LONRF2: variants seen among roughly 807,000 people sequenced by gnomAD.
LONRF2 encodes LON peptidase N-terminal domain and RING finger protein 2.
A neutral mutation model predicts 66.6 loss-of-function variants in LONRF2; 35 were observed. The observed-to-expected ratio is 0.53, with a 90% CI of 0.40 to 0.70. LONRF2 has a LOEUF of 0.70. Ranked by LOEUF, LONRF2 falls within the 30% of genes least tolerant of loss-of-function variation. LONRF2 has a pLI of 0.00. For synonymous variants in LONRF2, 417 were observed against 418.1 expected (o/e 1.00, Z 0.03); for missense variants, 902 against 1,002.1 (o/e 0.90, Z 1.35).
At chr2:100,309,322 T>A in intron 1 of LONRF2, 97 bp from the exon 2 acceptor site, 1 of 649,990 alleles carries the variant, frequency 1.5e-6, no homozygotes, top group Admixed American at 2.9e-5. Flanking sequence ...TATATACATA[T>A]GTATAAAGTA....
chr2:100,296,220 G>C (rs1406773806), intron 7 of LONRF2, among the ~76,000 whole-genome samples: 2 of 152,162 alleles, frequency 1.3e-5, no homozygotes, highest in South Asian at 2.1e-4. Flanking sequence ...GTGTATGTGT[G>C]CACACAGATT....
Position 100,271,882 on chromosome 2 carries a change from C to T in LONRF2, c.*12416G>A, listed in dbSNP as rs987648014. On this transcript the variant is annotated 3_prime_UTR_variant, in exon 12 of 12. Coordinates refer to ENST00000393437, the MANE Select transcript of LONRF2 (RefSeq NM_198461.4). ...CAGAGCATGTCTAAGTACTCATTTT[C>T]CTTATGACTCCGAGCTTTATTTCCA... is the stretch of plus-strand genomic sequence containing the variant. Among the ~76,000 whole-genome samples, 3 of 152,218 alleles carry T rather than the reference C, an allele frequency of 2.0e-5. No homozygotes were observed. Among genetic ancestry groups the T allele is most frequent in the Non-Finnish European group, 2.9e-5 (2 of 68,042 alleles).
At chr2:100,287,985 T>A (rs1339965586) in intron 10 of LONRF2, among the ~76,000 whole-genome samples, 1 of 152,216 alleles carries the variant, frequency 6.6e-6, no homozygotes, top group Non-Finnish European at 1.5e-5. Flanking sequence ...ACCCTCAATT[T>A]GATTTATACA....
At chr2:100,286,191 G>A (rs1674842327) in intron 11 of LONRF2, among the ~76,000 whole-genome samples, 1 of 152,118 alleles carries the variant, frequency 6.6e-6, no homozygotes, top group Non-Finnish European at 1.5e-5. Flanking sequence ...AAAATGGATG[G>A]GAAAAGACCT....
At chr2:100,295,360 T>G in intron 8 of LONRF2, 72 bp downstream of exon 8, 1 of 1,466,254 alleles carries the variant, frequency 6.8e-7, no homozygotes, top group Non-Finnish European at 9.2e-7. Flanking sequence ...GAAAAGAAAA[T>G]CTGAGGTGAA....
intron 1 of LONRF2, among the ~76,000 whole-genome samples, chr2:100,312,902 T>C (rs922189335): frequency 6.6e-6 from 1 of 152,234 alleles, no homozygotes; most frequent in Non-Finnish European, 1.5e-5. Context: ...TAAAAGTCTT[T>C]GTGTAGAGAA....
chr2:100,277,014 C>T lies in LONRF2; in HGVS notation c.*7284G>A, dbSNP rs1395559588. On this transcript the variant is annotated 3_prime_UTR_variant, in exon 12 of 12. Coordinates refer to ENST00000393437, the MANE Select transcript of LONRF2 (RefSeq NM_198461.4). ...CATACAAGTCCAACATCTTTAGATACTTTCGAGGTTCTGATGGCAATGTAG... is the reference window on the plus strand; with the variant it reads ...CATACAAGTCCAACATCTTTAGATATTTTCGAGGTTCTGATGGCAATGTAG... 1 of 152,230 alleles carries T rather than the reference C, an allele frequency of 6.6e-6. No homozygotes were observed. Among genetic ancestry groups the T allele is most frequent in the Non-Finnish European group, 1.5e-5 (1 of 68,046 alleles). 9.4% of individuals were successfully genotyped at this position (152,230 alleles called of 1,614,324 possible). A position where few individuals can be genotyped will look rare whatever the true frequency, so the allele number is the denominator to read the frequency against.
chr2:100,294,643 GTT>G (rs1178451722), intron 8 of LONRF2, among the ~76,000 whole-genome samples: 1 of 152,118 alleles, frequency 6.6e-6, no homozygotes, highest in East Asian at 1.9e-4. Context: ...GCTTGGAAAA[GTT>G]ATACCTTTTA....
At chr2:100,299,379 G>T in intron 5 of LONRF2, 60 bp from the exon 6 acceptor site, 3 of 993,370 alleles carry the variant, frequency 3.0e-6, no homozygotes, top group Non-Finnish European at 3.0e-6. Flanking sequence ...ACAACAGCAT[G>T]CAAGAAATGT....
chr2:100,295,523 C>G lies in LONRF2; in HGVS notation c.1507G>C (p.Val503Leu), dbSNP rs1444915058. ...LLASRNFNITVLAEELIFRYL... is the reference protein window; with the variant it reads ...LLASRNFNITLLAEELIFRYL... ...CGAAATATTAATTCTTCGGCCAGAA[C>G]AGTTATGTTAAAGTTTCTGCTTGCC... Residue 503 changes from valine (V) to leucine (L), a missense_variant, in exon 8 of 12, where the codon GTT (valine) becomes CTT (leucine). By Grantham distance (32) the Val-to-Leu change is conservative. This residue lies in a region of LONRF2 where 317 missense variants were observed against 432.2 expected (regional missense o/e 0.73). Coordinates refer to ENST00000393437, the MANE Select transcript of LONRF2 (RefSeq NM_198461.4). The G allele has an allele frequency of 6.2e-6, 10 of 1,613,490 alleles. No homozygotes were observed. Among genetic ancestry groups the G allele is most frequent in the Admixed American group, 1.7e-5 (1 of 59,974 alleles).
At position 100,309,090 on chromosome 2, in the gene LONRF2, C is replaced by A; in HGVS notation, c.798+17G>T. ...AACTTCACATTGATTATCTCCAAAG[C>A]TAACAAATACAAATACCTTAATCAA... On this transcript the variant is annotated intron_variant, in intron 2 of 11. Coordinates refer to ENST00000393437, the MANE Select transcript of LONRF2 (RefSeq NM_198461.4). The A allele has an allele frequency of 1.4e-6, 2 of 1,471,846 alleles. No homozygotes were observed. The highest frequency in any genetic ancestry group is 1.4e-5 in the African/African-American group (1 of 70,554). The allele number at this position is 1,471,846 out of a possible 1,614,324, so 91.2% of individuals were successfully genotyped here.
intron 7 of LONRF2, among the ~76,000 whole-genome samples, chr2:100,297,308 AT>A (rs11311863): frequency 0.75 from 113,139 of 150,232 alleles, 43,658 homozygotes; most frequent in East Asian, 0.96. Flanking sequence ...TTGTTTTTGT[AT>A]TTTTTTTTTA....
rs969108720 is a variant in LONRF2, at chr2:100,283,773, T to C, written c.*525A>G. 3.9e-5 allele frequency: 6 copies of C among 152,628 alleles called. No homozygotes were observed. The highest frequency in any genetic ancestry group is 1.4e-4 in the African/African-American group (6 of 41,578). The allele number at this position is 152,628 out of a possible 1,614,324, so 9.5% of individuals were successfully genotyped here. A position where few individuals can be genotyped will look rare whatever the true frequency, so the allele number is the denominator to read the frequency against. On this transcript the variant is annotated 3_prime_UTR_variant, in exon 12 of 12. Transcript: ENST00000393437. ...TAAGGACTAGTTTGGGCTCCTGCAC[T>C]GAACAATGGTGTGATTATTCGATTT...
intron 8 of LONRF2, among the ~76,000 whole-genome samples, chr2:100,294,613 A>C (rs186143056): frequency 1.3e-5 from 2 of 152,346 alleles, no homozygotes; most frequent in Admixed American, 6.5e-5. Flanking sequence ...GAAAGAGAAC[A>C]TGCTGAATTA....
At chr2:100,314,632 G>A (rs1162182306) in intron 1 of LONRF2, among the ~76,000 whole-genome samples, 2 of 152,096 alleles carry the variant, frequency 1.3e-5, no homozygotes, top group African/African-American at 4.8e-5. Flanking sequence ...AGAAACAACT[G>A]CCTACCCCAA....
Position 100,281,973 on chromosome 2 carries a change from G to A in LONRF2, c.*2325C>T, listed in dbSNP as rs1180668080. ...CCTGACCCGGTTCCTGATGCGTGAT[G>A]TTTCTAAGTGCTCAGTAAGTACCAA... On this transcript the variant is annotated 3_prime_UTR_variant, in exon 12 of 12. Coordinates refer to ENST00000393437, the MANE Select transcript of LONRF2 (RefSeq NM_198461.4). The A allele has an allele frequency of 6.6e-6, 1 of 151,948 alleles. No homozygotes were observed. Among genetic ancestry groups the A allele is most frequent in the African/African-American group, 2.4e-5 (1 of 41,364 alleles). The allele number at this position is 151,948 out of a possible 1,614,324, so 9.4% of individuals were successfully genotyped here. A position where few individuals can be genotyped will look rare whatever the true frequency, so the allele number is the denominator to read the frequency against.
rs1245441184 is a variant in LONRF2, at chr2:100,295,440, T to C, written c.1590A>G (p.Glu530=). 1.9e-6 allele frequency: 3 copies of C among 1,613,698 alleles called. No individual in the cohort carries two copies. Among genetic ancestry groups the C allele is most frequent in the Non-Finnish European group, 2.5e-6 (3 of 1,179,832 alleles). Residue 530 remains glutamate (E), a synonymous_variant, in exon 8 of 12, where the codon GAA becomes GAG. Coordinates refer to ENST00000393437, the MANE Select transcript of LONRF2 (RefSeq NM_198461.4). ...ACAACATGAGCACTTACTTTGACAG[T>C]TCTGACATTTCTTCATCATAAATTC... ...RKRIYDEEMS[E]LSNLTRDVPI... is the part of the protein sequence containing the mutation.
intron 2 of LONRF2, among the ~76,000 whole-genome samples, chr2:100,303,451 T>C (rs570957209): frequency 2.6e-5 from 4 of 152,240 alleles, no homozygotes; most frequent in Non-Finnish European, 5.9e-5. Context: ...AATCATAATA[T>C]ACTAAGTGCC....
intron 3 of LONRF2, 73 bp downstream of exon 3, chr2:100,302,848 A>C: frequency 7.5e-7 from 1 of 1,339,390 alleles, no homozygotes; most frequent in Non-Finnish European, 9.9e-7. Flanking sequence ...TTTCACATGC[A>C]AGGGTTACTC....
Sources: gnomAD v4.1 joint callset for allele counts (sites outside exome capture counted in the v4.1 genomes callset) on GRCh38, gnomAD v4.1.1 for gene constraint, gnomAD v4.1.1 regional missense constraint, MANE v1.5 for transcripts, NCBI Gene and HGNC (gene_info 2026-07-23, HGNC 2026-07-21) for gene names.